GCSAML: variants seen among roughly 807,000 people sequenced by gnomAD.
GCSAML encodes germinal center associated signaling and motility like.
A neutral mutation model predicts 13.0 loss-of-function variants in GCSAML; 9 were observed. That is an observed-to-expected ratio of 0.69 (90% CI 0.42 to 1.21). The LOEUF (loss-of-function observed/expected upper bound fraction) is 1.21, where lower values mean the gene tolerates loss of function less well. Ranked by LOEUF, GCSAML falls within the 50% of genes most tolerant of loss-of-function variation. GCSAML has a pLI of 0.00. For missense variants in GCSAML, 143 were observed against 153.4 expected, an observed-to-expected ratio of 0.93 and a Z score of 0.36; for synonymous variants, 37 against 52.9, an observed-to-expected ratio of 0.70 and a Z score of 1.31.
intron 2 of GCSAML, chr1:247,531,579 ACAG>A: frequency 1.9e-6 from 3 of 1,614,070 alleles, no homozygotes; most frequent in Non-Finnish European, 2.5e-6. Flanking sequence ...CTGCAGAGCC[ACAG>A]CAGTTCTCTA....
At position 247,508,546 on chromosome 1, in the gene GCSAML, T is replaced by G. The variant is rs558057560; in HGVS notation, c.-263+1313T>G. ...CCCATTTGTCAATTTTGGCTTTTTT[T>G]GGCCATTGCTTTTAGTGTTTTAGTC... On this transcript the variant is annotated intron_variant, in intron 1 of 5. Coordinates refer to the GCSAML transcript ENST00000366489. 5.3e-5 allele frequency among the ~76,000 whole-genome samples: 8 copies of G among 152,336 alleles called. No individual in the cohort carries two copies. The South Asian group carries it at 1.7e-3, about 32-fold the overall frequency.
intron 1 of GCSAML, among the ~76,000 whole-genome samples, chr1:247,512,685 T>C (rs550029949): frequency 6.6e-6 from 1 of 152,280 alleles, no homozygotes; most frequent in Admixed American, 6.5e-5. Flanking sequence ...GACCTTCAGA[T>C]GGGGTTTCTG....
intron 1 of GCSAML, among the ~76,000 whole-genome samples, chr1:247,550,547 G>T (rs1469471399): frequency 1.3e-5 from 2 of 152,162 alleles, no homozygotes; most frequent in African/African-American, 2.4e-5. Flanking sequence ...TGGGGCAGGA[G>T]AATGGCGTGA....
At chr1:247,522,422 C>T (rs150001658) in intron 1 of GCSAML, among the ~76,000 whole-genome samples, 12,450 of 152,126 alleles carry the variant, frequency 0.082, 618 homozygotes, top group Non-Finnish European at 0.11. Context: ...GTGTACCCCA[C>T]AGCTCATTGA....
At chr1:247,513,976 A>AC (rs34476070) in intron 1 of GCSAML, among the ~76,000 whole-genome samples, 3 of 147,118 alleles carry the variant, frequency 2.0e-5, no homozygotes, top group South Asian at 4.4e-4. Flanking sequence ...GTCAGCCACA[A>AC]CCCCCCCACC....
intron 1 of GCSAML, among the ~76,000 whole-genome samples, chr1:247,552,080 G>C (rs947391246): frequency 6.6e-6 from 1 of 152,184 alleles, no homozygotes; most frequent in Non-Finnish European, 1.5e-5. Flanking sequence ...AGAGGTTCTG[G>C]TTTCTATCAA....
At chr1:247,549,749 T>G (rs1667702317) in intron 1 of GCSAML, among the ~76,000 whole-genome samples, 1 of 152,220 alleles carries the variant, frequency 6.6e-6, no homozygotes, top group Non-Finnish European at 1.5e-5. Flanking sequence ...GGGATATGCA[T>G]TTGAATGCCT....
At chr1:247,562,140 G>A (rs190060959) in intron 2 of GCSAML, among the ~76,000 whole-genome samples, 1 of 152,284 alleles carries the variant, frequency 6.6e-6, no homozygotes, top group Admixed American at 6.5e-5. Flanking sequence ...TGAGGGGGAA[G>A]GGTGCCTTAC....
intron 4 of GCSAML, among the ~76,000 whole-genome samples, chr1:247,571,866 A>G (rs35134047): frequency 0.15 from 22,421 of 152,104 alleles, 2,245 homozygotes; most frequent in Middle Eastern, 0.23. Flanking sequence ...CTTTGTTCAC[A>G]TAGTCCCATA....
chr1:247,539,278 T>C (rs1222448231), intron 2 of GCSAML, among the ~76,000 whole-genome samples: 1 of 152,202 alleles, frequency 6.6e-6, no homozygotes, highest in Non-Finnish European at 1.5e-5. Context: ...TGGCTCTTCA[T>C]AGCACACATG....
chr1:247,522,428 A>G (rs1039464092), intron 1 of GCSAML, among the ~76,000 whole-genome samples: 19 of 152,220 alleles, frequency 1.2e-4, no homozygotes, highest in African/African-American at 4.3e-4. Flanking sequence ...CCCACAGCTC[A>G]TTGAGAATGG....
chr1:247,546,933 TA>T (rs767482285), upstream of GCSAML, among the ~76,000 whole-genome samples: 9,024 of 102,154 alleles, frequency 0.088, 272 homozygotes, highest in Middle Eastern at 0.1. Flanking sequence ...CTACTAAAAT[TA>T]AAAAAAAAAA....
chr1:247,551,829 T>C (rs1176330), intron 1 of GCSAML, among the ~76,000 whole-genome samples: 1 of 152,234 alleles, frequency 6.6e-6, no homozygotes, highest in East Asian at 1.9e-4. Flanking sequence ...TATGACCTAA[T>C]GCTAATAGAC....
intron 1 of GCSAML, among the ~76,000 whole-genome samples, chr1:247,551,748 A>G (rs1426429335): frequency 1.3e-5 from 2 of 152,200 alleles, no homozygotes; most frequent in Non-Finnish European, 2.9e-5. Context: ...TGCAAAGGAA[A>G]CTGTCCATTT....
chr1:247,507,715 CCTT>C (rs200094068), intron 1 of GCSAML, among the ~76,000 whole-genome samples: 3,656 of 152,140 alleles, frequency 0.024, 143 homozygotes, highest in African/African-American at 0.083. Context: ...ATGTTCCCCT[CCTT>C]GTGTCCATGT....
chr1:247,539,834 C>T (rs1036471370), intron 2 of GCSAML, among the ~76,000 whole-genome samples: 8 of 152,174 alleles, frequency 5.3e-5, no homozygotes, highest in South Asian at 2.1e-4. Context: ...TACTTGAAAA[C>T]GCTTCACTGA....
chr1:247,511,375 T>C (rs1666030983), intron 1 of GCSAML, among the ~76,000 whole-genome samples: 1 of 152,204 alleles, frequency 6.6e-6, no homozygotes, highest in South Asian at 2.1e-4. Context: ...TTGGTAAATC[T>C]TCCTCCATCC....
chr1:247,512,172 T>A lies in GCSAML; in HGVS notation c.-263+4939T>A, dbSNP rs188306275. Among the ~76,000 whole-genome samples, 38 of 152,226 alleles carry A rather than the reference T, an allele frequency of 2.5e-4. 2 individuals are homozygous for A. The South Asian group carries it at 5.4e-3, about 22-fold the overall frequency. ...CAAATGTAGGTTTGGTCTTTTTACGTAGTCCCATATTTCTTGGAGGCTTTG... is the reference window on the plus strand; with the variant it reads ...CAAATGTAGGTTTGGTCTTTTTACGAAGTCCCATATTTCTTGGAGGCTTTG... On this transcript the variant is annotated intron_variant, in intron 1 of 5. Transcript: ENST00000366489.
At chr1:247,549,438 C>G (rs758599901) in intron 1 of GCSAML, among the ~76,000 whole-genome samples, 4 of 152,244 alleles carry the variant, frequency 2.6e-5, no homozygotes, top group Middle Eastern at 3.4e-3. Context: ...AACAAAAATA[C>G]TGGATGCTAA....
Sources: allele counts gnomAD v4.1 joint callset (sites outside exome capture counted in the v4.1 genomes callset), GRCh38; gene constraint gnomAD v4.1.1; transcripts MANE v1.5; gene names NCBI Gene and HGNC (gene_info 2026-07-23, HGNC 2026-07-21).